Variants in MAMDC4 observed in about 807,000 individuals in gnomAD.
The protein encoded by MAMDC4 is apical endosomal glycoprotein.
In MAMDC4, 168 loss-of-function variants were observed where a neutral mutation model predicts 153.3. That is an observed-to-expected ratio of 1.10 (90% CI 0.97 to 1.25). The LOEUF (loss-of-function observed/expected upper bound fraction) is 1.25, where lower values mean the gene tolerates loss of function less well. Among genes scored for constraint, MAMDC4 ranks in the 50% most tolerant of loss-of-function variants. The pLI is 0.00. For missense variants in MAMDC4, 1,701 were observed against 1,542.8 expected (o/e 1.10, Z -1.72); for synonymous variants, 744 against 651.5 (o/e 1.14, Z -2.16).
At position 136,859,073 on chromosome 9, in the gene MAMDC4, C is replaced by T. The variant is rs1849049356; in HGVS notation, c.3025C>T (p.His1009Tyr). 5.8e-6 allele frequency: 9 copies of T among 1,556,396 alleles called. No individual in the cohort carries two copies. The highest frequency in any genetic ancestry group is 7.8e-6 in the Non-Finnish European group (9 of 1,149,548). The stretch of plus-strand genomic sequence containing the variant: ...GCTGGCTGTGTGGGGCGCAGGCGGG[C>T]ATCGGCGGCACCAGTGGCTGGAGGC... ...GQLAVWGAGG[H>Y]RRHQWLEAQV... The change falls in exon 24 of 27, where the codon CAT becomes TAT. Residue 1009 changes from histidine (H) to tyrosine (Y), a missense_variant. Physicochemically the swap from His to Tyr is moderately conservative, Grantham distance 83 (BLOSUM62 2). Coordinates refer to ENST00000317446, the MANE Select transcript of MAMDC4 (RefSeq NM_206920.3).
intron 7 of MAMDC4, 59 bp downstream of exon 7, chr9:136,854,395 C>A: frequency 6.7e-7 from 1 of 1,496,306 alleles, no homozygotes; most frequent in Non-Finnish European, 8.9e-7. Context: ...CGGTGGGGGC[C>A]CTGGCACTCA....
At chr9:136,856,592 C>G (rs1472702813) in intron 14 of MAMDC4, 118 bp from the exon 15 acceptor site, 1 of 964,078 alleles carries the variant, frequency 1.0e-6, no homozygotes, top group Middle Eastern at 2.1e-4. Context: ...GCTGCCCATC[C>G]TCACTCCCAC....
In MAMDC4 at chr9:136,858,234, C is replaced by G; in HGVS notation, c.2632C>G (p.Leu878Val). 6.2e-7 allele frequency: 1 copy of G among 1,601,548 alleles called. No individual in the cohort carries two copies. Among genetic ancestry groups the G allele is most frequent in the Non-Finnish European group, 8.5e-7 (1 of 1,178,380 alleles). The change falls in exon 21 of 27, where the codon CTG becomes GTG. Residue 878 changes from leucine to valine, a missense_variant. Leu to Val is a conservative substitution (Grantham distance 32). Coordinates refer to ENST00000317446, the MANE Select transcript of MAMDC4 (RefSeq NM_206920.3). ...AGGCGTGGCACACTCCTACGTGGCT[C>G]TGGATGATCTGCTCCTCCAGGACGG... ...AAGVAHSYVALDDLLLQDGPC... is the reference protein window; with the variant it reads ...AAGVAHSYVAVDDLLLQDGPC...
rs751191447 is a variant in MAMDC4, at chr9:136,856,064, G to A, written c.1635G>A (p.Glu545=). 134 of 1,612,338 alleles carry A rather than the reference G, an allele frequency of 8.3e-5. No homozygotes were observed. Among genetic ancestry groups the A allele is most frequent in the Non-Finnish European group, 1.1e-4 (127 of 1,179,884 alleles). Residue 545 remains glutamate (E), a synonymous_variant, in exon 14 of 27, where the codon GAG becomes GAA. Coordinates refer to ENST00000317446, the MANE Select transcript of MAMDC4 (RefSeq NM_206920.3). ...LQRAWGQLGA[E]ARVLTPLLGP... is the part of the protein sequence containing the mutation. ...GGGCCTGGGGGCAGCTAGGCGCTGA[G>A]GCCCGGGTCCTCACACCCCTCCTTG...
At position 136,860,436 on chromosome 9, in the gene MAMDC4, G is replaced by A. The variant is rs1001698063; in HGVS notation, c.3373-126G>A. 8.9e-6 allele frequency: 9 copies of A among 1,008,530 alleles called. 1 individual carries two copies. Among genetic ancestry groups the A allele is most frequent in the Admixed American group, 8.9e-5 (4 of 45,174 alleles). The allele number at this position is 1,008,530 out of a possible 1,614,324, so 62.5% of individuals were successfully genotyped here. A position where few individuals can be genotyped will look rare whatever the true frequency, so the allele number is the denominator to read the frequency against. ...CTCGGGAGGCTGAGGCAGGAGAATCGCTTGAACCAGGGAGGCAGGGGTTGC... is the reference window on the plus strand; with the variant it reads ...CTCGGGAGGCTGAGGCAGGAGAATCACTTGAACCAGGGAGGCAGGGGTTGC... On this transcript the variant is annotated intron_variant, in intron 26 of 26. Transcript: ENST00000317446.
Position 136,852,352 on chromosome 9 carries a change from G to A in MAMDC4, c.-65G>A. Reference sequence around the variant, plus strand: ...AGAGTCAGCGTGCGGGGCCAGCGCAGGCTGATAACCGCACGGAACTTCCCA... The same window carrying A: ...AGAGTCAGCGTGCGGGGCCAGCGCAAGCTGATAACCGCACGGAACTTCCCA... On this transcript the variant is annotated 5_prime_UTR_variant, in exon 1 of 27. Coordinates refer to ENST00000317446, the MANE Select transcript of MAMDC4 (RefSeq NM_206920.3). The A allele has an allele frequency of 6.3e-7, 1 of 1,586,382 alleles. No individual in the cohort carries two copies. The highest frequency in any genetic ancestry group is 8.6e-7 in the Non-Finnish European group (1 of 1,165,212).
rs776940930 is a variant in MAMDC4, at chr9:136,858,227, C to G, written c.2625C>G (p.Tyr875Ter). ...EAVAAGVAHS[Y>*]VALDDLLLQD... is the part of the protein sequence containing the mutation. ...TGGCCGCAGGCGTGGCACACTCCTA[C>G]GTGGCTCTGGATGATCTGCTCCTCC... Residue 875 changes from tyrosine (Y) to a stop codon, truncating the protein, a stop_gained, in exon 21 of 27, where the codon TAC (tyrosine) becomes TAG (stop). Transcript: ENST00000317446. LOFTEE classifies it high-confidence loss of function. 2.5e-6 allele frequency: 4 copies of G among 1,600,862 alleles called. No individual in the cohort carries two copies. In the Admixed American group the frequency reaches 5.0e-5, roughly 20 times the overall value.
At chr9:136,856,413 C>T in intron 14 of MAMDC4, 1 of 793,542 alleles carries the variant, frequency 1.3e-6, no homozygotes, top group Non-Finnish European at 2.3e-6. Flanking sequence ...GGGAGCTCCG[C>T]TGGAGCGGGC....
At position 136,854,281 on chromosome 9, in the gene MAMDC4, G is replaced by A. The variant is rs767724277; in HGVS notation, c.741G>A (p.Leu247=). 2 of 1,607,638 alleles carry A rather than the reference G, an allele frequency of 1.2e-6. No individual in the cohort carries two copies. The highest frequency in any genetic ancestry group is 1.7e-6 in the Non-Finnish European group (2 of 1,177,658). The change falls in exon 7 of 27, where the codon CTG becomes CTA. Residue 247 remains leucine (L), a synonymous_variant. Coordinates refer to ENST00000317446, the MANE Select transcript of MAMDC4 (RefSeq NM_206920.3). ...AGGTCTGCGTGGAGCCCCAGCAGCT[G>A]TGCGACGGGGAAGACAACTGCGGGG... The part of the protein sequence containing the change: ...QNKVCVEPQQ[L]CDGEDNCGDL...
chr9:136,855,900 C>T (rs1387385137), intron 13 of MAMDC4, 52 bp downstream of exon 13: 5 of 1,489,356 alleles, frequency 3.4e-6, no homozygotes, highest in Admixed American at 2.4e-5. Context: ...GAGCAGCGTC[C>T]TCAGAGGGGT....
Position 136,857,153 on chromosome 9 carries a change from C to A in MAMDC4, c.1973-12C>A, listed in dbSNP as rs754170037. The A allele has an allele frequency of 6.2e-6, 10 of 1,612,108 alleles. No homozygotes were observed. The Admixed American group carries it at 1.5e-4, about 24-fold the overall frequency. On this transcript the variant is annotated splice_polypyrimidine_tract_variant and intron_variant, in intron 16 of 26. Transcript: ENST00000317446. Reference sequence around the variant, plus strand: ...GAGAGAGGTCAGTTATGGACTGGTCCCCTCCCTGCAGGGACTCTGCGCCTA... The same window carrying A: ...GAGAGAGGTCAGTTATGGACTGGTCACCTCCCTGCAGGGACTCTGCGCCTA...
Position 136,856,928 on chromosome 9 carries a change from CCACAGACCCCCTGGCCT to C in MAMDC4, c.1860_1876del (p.Thr621GlyfsTer106). On this transcript the variant is annotated frameshift_variant, in exon 16 of 27. Transcript: ENST00000317446. LOFTEE classifies it high-confidence loss of function. ...GCAGGCCACTTTGTGCTCCTGGACC[CCACAGACCCCCTGGCCT>C]GGGGCCACAGTGCCCACCTGCTCTC... The C allele has an allele frequency of 1.2e-6, 2 of 1,610,302 alleles. No homozygotes were observed. Among genetic ancestry groups the C allele is most frequent in the Non-Finnish European group, 1.7e-6 (2 of 1,178,176 alleles).
chr9:136,860,508 C>T (rs746931386), intron 26 of MAMDC4, 54 bp from the exon 27 acceptor site: 36 of 1,563,430 alleles, frequency 2.3e-5, no homozygotes, highest in South Asian at 4.6e-5. Flanking sequence ...TTGACAAGAG[C>T]GAAACTCCGT....
chr9:136,856,271 G>A, intron 14 of MAMDC4, 122 bp downstream of exon 14: 3 of 1,504,966 alleles, frequency 2.0e-6, no homozygotes, highest in Non-Finnish European at 2.8e-6. Flanking sequence ...CCTGGCACTA[G>A]TTGTGGTGGA....
chr9:136,859,706 G>A, intron 25 of MAMDC4, 180 bp from the exon 26 acceptor site: 1 of 642,572 alleles, frequency 1.6e-6, no homozygotes, highest in Non-Finnish European at 2.7e-6. Context: ...TCTGCAGACA[G>A]CAGCTGCCTG....
In MAMDC4 at chr9:136,853,310, G is replaced by A. The variant is rs756996582; in HGVS notation, c.180G>A (p.Leu60=). ...GTTACCACGGGGCCTCGCCCACCCT[G>A]GGCGCCCCCTTCGCCTGTGACTTCG... The part of the protein sequence containing the change: ...QCGYHGASPT[L]GAPFACDFEQ... The change falls in exon 3 of 27, where the codon CTG becomes CTA. Residue 60 remains leucine, a synonymous_variant. Coordinates refer to ENST00000317446, the MANE Select transcript of MAMDC4 (RefSeq NM_206920.3). The A allele has an allele frequency of 6.2e-7, 1 of 1,603,010 alleles. No homozygotes were observed. The highest frequency in any genetic ancestry group is 1.3e-5 in the African/African-American group (1 of 74,892).
rs370494975 is a variant in MAMDC4, at chr9:136,858,291, G to C, written c.2674+15G>C. ...CCCTCAGCCAGGTGGGAGCCCTGCC[G>C]TGGCCTCGGCCCTGCTCTGGGGTGC... On this transcript the variant is annotated intron_variant, in intron 21 of 26. Coordinates refer to ENST00000317446, the MANE Select transcript of MAMDC4 (RefSeq NM_206920.3). 1.3e-5 allele frequency: 21 copies of C among 1,600,934 alleles called. No homozygotes were observed. Among genetic ancestry groups the C allele is most frequent in the Non-Finnish European group, 1.7e-5 (20 of 1,179,388 alleles).
rs184233715 is a variant in MAMDC4, at chr9:136,852,870, T to C, written c.47-232T>C. ...CTGCTACCTTTCTTGGGGTGCCCCATGGCCGGGTCCCCCTCCCCAGCCTCT... is the reference window on the plus strand; with the variant it reads ...CTGCTACCTTTCTTGGGGTGCCCCACGGCCGGGTCCCCCTCCCCAGCCTCT... On this transcript the variant is annotated intron_variant, in intron 1 of 26. Transcript: ENST00000317446. Among the ~76,000 whole-genome samples the C allele has an allele frequency of 7.7e-4, 118 of 152,258 alleles. 2 individuals are homozygous for C. The highest frequency in any genetic ancestry group is 3.4e-3 in the Middle Eastern group (1 of 294).
chr9:136,854,969 GGCTGGCTGCCTCCA>G lies in MAMDC4; in HGVS notation c.1061_1074del (p.Gly354ValfsTer33), dbSNP rs1564386066. Reference sequence around the variant, plus strand: ...TCTATCAGTACCTGAGTGGGTCTGAGGCTGGCTGCCTCCAGCTGTTCCTGCAGACTCTGGGGCCC... The same window carrying G: ...TCTATCAGTACCTGAGTGGGTCTGAGGCTGTTCCTGCAGACTCTGGGGCCC... On this transcript the variant is annotated frameshift_variant, in exon 10 of 27. Transcript: ENST00000317446. LOFTEE classifies it high-confidence loss of function. 1.9e-6 allele frequency: 3 copies of G among 1,608,108 alleles called. No individual in the cohort carries two copies. In the Admixed American group the frequency reaches 5.1e-5, roughly 27 times the overall value.
Sources: allele counts gnomAD v4.1 joint callset (sites outside exome capture counted in the v4.1 genomes callset), GRCh38; gene constraint gnomAD v4.1.1; transcripts MANE v1.5; gene names NCBI Gene and HGNC (gene_info 2026-07-23, HGNC 2026-07-21).